The following ARID4B variants were observed in gnomAD, a reference collection of about 807,000 sequenced individuals.
ARID4B encodes AT-rich interactive domain-containing protein 4B.
ARID4B carries 26 observed loss-of-function variants against 147.5 expected under a neutral mutation model. The ratio of observed to expected loss-of-function variants is 0.18; its 90% CI spans 0.13 to 0.24. The LOEUF (loss-of-function observed/expected upper bound fraction) is 0.24. ARID4B is among the 10% of genes least tolerant of loss of function. The probability of loss-of-function intolerance (pLI) is 1.00; values close to 1 mark genes in which losing one functional copy is unlikely to be tolerated. For missense variants in ARID4B, 1,179 were observed against 1,511.5 expected, an observed-to-expected ratio of 0.78 and a Z score of 3.65; for synonymous variants, 512 against 507.9, an observed-to-expected ratio of 1.01 and a Z score of -0.11.
At chr1:235,232,496 C>A (rs554440647) in intron 9 of ARID4B, among the ~76,000 whole-genome samples, 4 of 151,278 alleles carry the variant, frequency 2.6e-5, no homozygotes, top group African/African-American at 9.7e-5. Flanking sequence ...AATCCCAACA[C>A]TTTGGGGGCC....
At chr1:235,313,944 CAG>C (rs1674255569) in intron 2 of ARID4B, among the ~76,000 whole-genome samples, 1 of 152,074 alleles carries the variant, frequency 6.6e-6, no homozygotes, top group Non-Finnish European at 1.5e-5. Context: ...TTTAAAAGAC[CAG>C]AGTCAATCTA....
intron 2 of ARID4B, among the ~76,000 whole-genome samples, chr1:235,305,540 T>A (rs185650970): frequency 6.6e-5 from 10 of 152,324 alleles, no homozygotes; most frequent in Admixed American, 5.2e-4. Flanking sequence ...GTTTAAATCC[T>A]CACTATGCCA....
chr1:235,272,273 G>C (rs1278818429), intron 2 of ARID4B, among the ~76,000 whole-genome samples: 1 of 152,060 alleles, frequency 6.6e-6, no homozygotes, highest in African/African-American at 2.4e-5. Context: ...TTTTGCAAAA[G>C]TGACCATTTT....
intron 17 of ARID4B, among the ~76,000 whole-genome samples, chr1:235,201,555 C>T (rs746788731): frequency 1.3e-5 from 2 of 152,178 alleles, no homozygotes; most frequent in Admixed American, 6.5e-5. Flanking sequence ...AACTCCTGGG[C>T]TCTAGTGATT....
chr1:235,236,688 ATT>A (rs1558233133), intron 8 of ARID4B, among the ~76,000 whole-genome samples: 12 of 149,464 alleles, frequency 8.0e-5, no homozygotes, highest in Non-Finnish European at 1.3e-4. Flanking sequence ...TAATTTTTGT[ATT>A]TTAGTAAAGA....
intron 20 of ARID4B, chr1:235,180,052 AGAGC>A (rs1235884578): frequency 6.6e-6 from 1 of 150,430 alleles, no homozygotes; most frequent in Non-Finnish European, 1.5e-5. Context: ...CCTGGGCAAC[AGAGC>A]GAGACTCCAT....
intron 19 of ARID4B, among the ~76,000 whole-genome samples, chr1:235,184,477 AC>A (rs1167216764): frequency 2.0e-5 from 3 of 152,106 alleles, no homozygotes; most frequent in Non-Finnish European, 4.4e-5. Flanking sequence ...AGGTTAATCT[AC>A]CCCCCAAGGT....
intron 9 of ARID4B, among the ~76,000 whole-genome samples, chr1:235,231,611 C>T (rs904123701): frequency 2.0e-5 from 3 of 152,124 alleles, no homozygotes; most frequent in Admixed American, 1.3e-4. Flanking sequence ...CTCAACCTCC[C>T]GAGTAGCTGG....
chr1:235,206,013 G>A (rs898498134), intron 17 of ARID4B, among the ~76,000 whole-genome samples: 142 of 152,052 alleles, frequency 9.3e-4, no homozygotes, highest in African/African-American at 3.3e-3. Context: ...CCAGTGAGAG[G>A]GTCAAGCCAT....
chr1:235,278,343 C>T (rs1671469023), intron 2 of ARID4B, among the ~76,000 whole-genome samples: 1 of 151,992 alleles, frequency 6.6e-6, no homozygotes, highest in Admixed American at 6.6e-5. Context: ...TTAACCATGC[C>T]CACCTAGCCT....
At chr1:235,175,076 C>T in intron 22 of ARID4B, 108 bp downstream of exon 22, 2 of 1,005,606 alleles carry the variant, frequency 2.0e-6, no homozygotes, top group Non-Finnish European at 3.0e-6. Context: ...CACCGCACTC[C>T]AGCCTGGTGA....
intron 2 of ARID4B, among the ~76,000 whole-genome samples, chr1:235,290,976 G>C (rs1334562778): frequency 1.3e-5 from 2 of 152,214 alleles, no homozygotes; most frequent in African/African-American, 2.4e-5. Context: ...GCACACACCT[G>C]CAGTCCCACC....
chr1:235,290,146 ATT>A (rs1367066410), intron 2 of ARID4B, among the ~76,000 whole-genome samples: 1 of 152,146 alleles, frequency 6.6e-6, no homozygotes, highest in Non-Finnish European at 1.5e-5. Context: ...TAGCCTTCAT[ATT>A]GCTGCTGAGA....
At chr1:235,277,988 G>A (rs1671446617) in intron 2 of ARID4B, among the ~76,000 whole-genome samples, 1 of 152,056 alleles carries the variant, frequency 6.6e-6, no homozygotes, top group African/African-American at 2.4e-5. Context: ...TTTAAAACCT[G>A]AGTATTATTC....
In ARID4B at chr1:235,322,490, C is replaced by T. The variant is rs894419986; in HGVS notation, c.6+4424G>A. Among the ~76,000 whole-genome samples the T allele has an allele frequency of 2.6e-5, 4 of 152,170 alleles. No homozygotes were observed. The East Asian group carries it at 5.8e-4, about 22-fold the overall frequency. ...AGTACGTTATCCTCTATCTGAAAAA[C>T]TTTTCTTCCCTTCTTTGCCTAGCAA... On this transcript the variant is annotated intron_variant, in intron 2 of 23. Transcript: ENST00000264183.
At chr1:235,214,369 T>C (rs530782008) in intron 16 of ARID4B, among the ~76,000 whole-genome samples, 103 of 152,266 alleles carry the variant, frequency 6.8e-4, no homozygotes, top group African/African-American at 2.4e-3. Flanking sequence ...TGTTTTAACA[T>C]CTCAATTGAC....
In ARID4B at chr1:235,225,067, T is replaced by C. The variant is rs535566907; in HGVS notation, c.898-292A>G. ...GACTGTTCGTGGTTTTGTTTTGTTT[T>C]GTTTTGTTTTTTTTACCATATGAGA... On this transcript the variant is annotated intron_variant, in intron 11 of 23. Coordinates refer to ENST00000264183, the MANE Select transcript of ARID4B (RefSeq NM_016374.6). 5.9e-5 allele frequency among the ~76,000 whole-genome samples: 7 copies of C among 117,708 alleles called. No individual in the cohort carries two copies. The East Asian group carries it at 1.3e-3, about 21-fold the overall frequency. 77.2% of individuals were successfully genotyped at this position (117,708 alleles called of 152,430 possible). A position where few individuals can be genotyped will look rare whatever the true frequency, so the allele number is the denominator to read the frequency against.
chr1:235,295,115 T>A (rs1672599856), intron 2 of ARID4B, among the ~76,000 whole-genome samples: 2 of 152,096 alleles, frequency 1.3e-5, no homozygotes, highest in African/African-American at 4.8e-5. Context: ...GACAAAGGAA[T>A]CTCAAACTAC....
At chr1:235,210,169 G>A (rs1036487418) in intron 17 of ARID4B, among the ~76,000 whole-genome samples, 4 of 152,004 alleles carry the variant, frequency 2.6e-5, no homozygotes, top group African/African-American at 9.7e-5. Context: ...CGAGGCTGGA[G>A]AGCCATGATT....
Sources: gnomAD v4.1 joint callset for allele counts (sites outside exome capture counted in the v4.1 genomes callset) on GRCh38, gnomAD v4.1.1 for gene constraint, MANE v1.5 for transcripts, NCBI Gene and HGNC (gene_info 2026-07-23, HGNC 2026-07-21) for gene names.